Variants in ZNF286A observed in about 807,000 individuals in gnomAD.
The protein encoded by ZNF286A is zinc finger protein 286A.
Under a neutral mutation model 49.3 loss-of-function variants are expected in ZNF286A, and 34 were observed. The ratio of observed to expected loss-of-function variants is 0.69; its 90% confidence interval spans 0.52 to 0.92. The LOEUF (loss-of-function observed/expected upper bound fraction) is 0.92, where lower values mean the gene tolerates loss of function less well. Among genes scored for constraint, ZNF286A ranks in the 40% least tolerant of loss-of-function variants. The pLI, the probability that ZNF286A is intolerant of heterozygous loss-of-function variation, is 0.00. For synonymous variants in ZNF286A, 155 were observed against 200.4 expected (o/e 0.77, Z 1.91); for missense variants, 462 against 600.2 (o/e 0.77, Z 2.41).
At chr17:15,713,191 G>C (rs532607037) in intron 5 of ZNF286A, among the ~76,000 whole-genome samples, 1 of 152,254 alleles carries the variant, frequency 6.6e-6, no homozygotes, top group South Asian at 2.1e-4. Flanking sequence ...AGGAGTTAGA[G>C]ACCAGCCTGA....
intron 5 of ZNF286A, among the ~76,000 whole-genome samples, chr17:15,713,655 A>G (rs1006559717): frequency 6.6e-6 from 1 of 151,516 alleles, no homozygotes; most frequent in Non-Finnish European, 1.5e-5. Context: ...CTTTTGGACA[A>G]TATTGGTTCA....
chr17:15,715,309 G>T (rs3865264), intron 5 of ZNF286A, among the ~76,000 whole-genome samples: 120,124 of 151,176 alleles, frequency 0.79, 48,339 homozygotes, highest in African/African-American at 0.93. Flanking sequence ...CTTATTTATA[G>T]CTTGCTTTTT....
Position 15,715,579 on chromosome 17 carries a change from G to A in ZNF286A, c.335-480G>A, listed in dbSNP as rs1216897604. On this transcript the variant is annotated intron_variant, in intron 5 of 5. Coordinates refer to ENST00000583566, the MANE Select transcript of ZNF286A (RefSeq NM_001130842.2). ...ATAGGAGGTTTTTGATCAGCAAAAT[G>A]TTATAAAAGCATTGTTAGGAAGATT... Among the ~76,000 whole-genome samples, 4 of 152,132 alleles carry A rather than the reference G, an allele frequency of 2.6e-5. No homozygotes were observed. In the East Asian group the frequency reaches 5.8e-4, roughly 22 times the overall value.
Position 15,701,124 on chromosome 17 carries a change from C to A in ZNF286A, c.38-28C>A, listed in dbSNP as rs569714761. On this transcript the variant is annotated intron_variant, in intron 2 of 5. Transcript: ENST00000583566. Reference sequence around the variant, plus strand: ...TCTGAGTGGCACGTTAAGCCTAGGTCTCATCATTACTGCTTTCTTGTCGTT... The same window carrying A: ...TCTGAGTGGCACGTTAAGCCTAGGTATCATCATTACTGCTTTCTTGTCGTT... 47 of 1,612,458 alleles carry A rather than the reference C, an allele frequency of 2.9e-5. No individual in the cohort carries two copies. In the Middle Eastern group the frequency reaches 5.0e-4, roughly 17 times the overall value.
intron 5 of ZNF286A, among the ~76,000 whole-genome samples, chr17:15,715,162 C>T (rs1966964892): frequency 6.6e-6 from 1 of 151,838 alleles, no homozygotes; most frequent in Non-Finnish European, 1.5e-5. Flanking sequence ...CTCCCATGTT[C>T]TGATGTTTTC....
intron 5 of ZNF286A, among the ~76,000 whole-genome samples, chr17:15,710,223 A>G (rs1037564848): frequency 2.6e-5 from 4 of 152,216 alleles, no homozygotes; most frequent in African/African-American, 7.2e-5. Flanking sequence ...TGGTTCTTCT[A>G]ATCTTTGGCT....
intron 3 of ZNF286A, chr17:15,704,435 C>G (rs1240149568): frequency 5.0e-6 from 8 of 1,609,558 alleles, no homozygotes; most frequent in Middle Eastern, 1.9e-4. Flanking sequence ...CCGGCGCCCC[C>G]GTGGATCTCT....
chr17:15,703,732 C>A (rs1193115079), intron 3 of ZNF286A, among the ~76,000 whole-genome samples: 1 of 152,096 alleles, frequency 6.6e-6, no homozygotes, highest in African/African-American at 2.4e-5. Flanking sequence ...TTTAAAAAAA[C>A]CTTTTTATAA....
chr17:15,704,344 C>T, intron 3 of ZNF286A: 1 of 1,610,954 alleles, frequency 6.2e-7, no homozygotes, highest in Non-Finnish European at 8.5e-7. Context: ...TCCCAGGCCC[C>T]CTGGGGCCCC....
At chr17:15,709,767 A>G (rs1474190904) in intron 5 of ZNF286A, 8 of 1,530,894 alleles carry the variant, frequency 5.2e-6, no homozygotes, top group Non-Finnish European at 7.0e-6. Flanking sequence ...CTGTGGAGTC[A>G]TAAGTCCACT....
intron 3 of ZNF286A, chr17:15,705,009 G>A (rs1043451783): frequency 9.2e-6 from 7 of 758,020 alleles, no homozygotes; most frequent in South Asian, 4.6e-5. Context: ...GAGAGGCCCC[G>A]GCGGCCCCGC....
In ZNF286A at chr17:15,719,903, G is replaced by T. The variant is rs959470333; in HGVS notation, c.*2613G>T. ...GGGGACAGAAAAATAAAAGAGATGG[G>T]AAATGCTGCATCAAAATACTCCTAC... is the stretch of plus-strand genomic sequence containing the variant. On this transcript the variant is annotated 3_prime_UTR_variant, in exon 6 of 6. Coordinates refer to ENST00000583566, the MANE Select transcript of ZNF286A (RefSeq NM_001130842.2). The T allele has an allele frequency of 6.6e-6, 1 of 152,260 alleles. No homozygotes were observed. The highest frequency in any genetic ancestry group is 6.5e-5 in the Admixed American group (1 of 15,306). 9.4% of individuals were successfully genotyped at this position (152,260 alleles called of 1,614,324 possible).
chr17:15,703,796 G>A (rs901483052), intron 3 of ZNF286A, among the ~76,000 whole-genome samples: 3 of 152,092 alleles, frequency 2.0e-5, no homozygotes, highest in Non-Finnish European at 4.4e-5. Flanking sequence ...TTATTGCCAT[G>A]TGATTTTTAT....
At chr17:15,705,078 G>T (rs1245524092) in intron 3 of ZNF286A, among the ~76,000 whole-genome samples, 3 of 152,042 alleles carry the variant, frequency 2.0e-5, no homozygotes, top group African/African-American at 7.2e-5. Flanking sequence ...CTGCCTCCCC[G>T]GTGCCCGGCA....
intron 5 of ZNF286A, among the ~76,000 whole-genome samples, chr17:15,715,820 T>C (rs1251204036): frequency 4.6e-5 from 7 of 152,220 alleles, no homozygotes; most frequent in South Asian, 2.1e-4. Context: ...TCTACTCTTA[T>C]ATTTTTTGTC....
intron 5 of ZNF286A, among the ~76,000 whole-genome samples, chr17:15,712,137 GC>G (rs1459261796): frequency 6.6e-6 from 1 of 152,204 alleles, no homozygotes; most frequent in Non-Finnish European, 1.5e-5. Context: ...CTCCCAAAGT[GC>G]TGGGATTACA....
intron 3 of ZNF286A, 48 bp downstream of exon 3, chr17:15,701,288 A>T (rs1989758601): frequency 4.5e-6 from 7 of 1,566,562 alleles, no homozygotes; most frequent in Admixed American, 1.7e-5. Flanking sequence ...CTTAGAGTAC[A>T]GATGCACTCC....
At position 15,719,742 on chromosome 17, in the gene ZNF286A, G is replaced by T. The variant is rs1311669356; in HGVS notation, c.*2452G>T. The T allele has an allele frequency of 6.6e-6, 1 of 152,118 alleles. No individual in the cohort carries two copies. Among genetic ancestry groups the T allele is most frequent in the East Asian group, 1.9e-4 (1 of 5,192 alleles). The allele number at this position is 152,118 out of a possible 1,614,324, so 9.4% of individuals were successfully genotyped here. The stretch of plus-strand genomic sequence containing the variant: ...CATAGTAGGTTGTATGTCCCTGAAA[G>T]CCTAAAATATTTACTGTTTGGCTCT... On this transcript the variant is annotated 3_prime_UTR_variant, in exon 6 of 6. Coordinates refer to ENST00000583566, the MANE Select transcript of ZNF286A (RefSeq NM_001130842.2).
At chr17:15,706,590 G>C (rs1567706042) in intron 4 of ZNF286A, 89 bp downstream of exon 4, 1 of 941,772 alleles carries the variant, frequency 1.1e-6, no homozygotes, top group East Asian at 2.6e-5. Flanking sequence ...CTTCACCTTT[G>C]CATTCAGGAG....
Sources: allele counts gnomAD v4.1 joint callset (sites outside exome capture counted in the v4.1 genomes callset), GRCh38; gene constraint gnomAD v4.1.1; transcripts MANE v1.5; gene names NCBI Gene and HGNC (gene_info 2026-07-23, HGNC 2026-07-21).